PIWIL1: variants seen among roughly 807,000 people sequenced by gnomAD.
PIWIL1 encodes the protein piwi like RNA-mediated gene silencing 1.
A neutral mutation model predicts 114.4 loss-of-function variants in PIWIL1; 73 were observed. That is an observed-to-expected ratio of 0.64 (90% CI 0.53 to 0.78). The LOEUF is 0.78. Among genes scored for constraint, PIWIL1 ranks in the 30% least tolerant of loss-of-function variants. The pLI is 0.00. For synonymous variants in PIWIL1, 375 were observed against 369.0 expected, an observed-to-expected ratio of 1.02 and a Z score of -0.19; for missense variants, 723 against 1,063.1, an observed-to-expected ratio of 0.68 and a Z score of 4.45.
Position 130,363,120 on chromosome 12 carries a change from T to A in PIWIL1, c.2171T>A (p.Leu724Gln). 1 of 1,614,222 alleles carries A rather than the reference T, an allele frequency of 6.2e-7. No homozygotes were observed. The highest frequency in any genetic ancestry group is 8.5e-7 in the Non-Finnish European group (1 of 1,180,022). ...GAAGTGCCACAGTTTTTGGATTGTC[T>A]AAAATCCATTGGTAGAGGTTACAAG... The part of the protein sequence containing the change: ...NYEVPQFLDC[L>Q]KSIGRGYNPR... Residue 724 changes from leucine to glutamine, a missense_variant, in exon 18 of 21, where the codon CTA becomes CAA. Leu to Gln is a moderately radical substitution (Grantham distance 113). Coordinates refer to ENST00000245255, the MANE Select transcript of PIWIL1 (RefSeq NM_004764.5).
rs1439909733 is a variant in PIWIL1 at position 130,372,139 on chromosome 12, A to AG, written c.*547dup. 1 of 152,096 alleles carries AG rather than the reference A, an allele frequency of 6.6e-6. No homozygotes were observed. The highest frequency in any genetic ancestry group is 1.5e-5 in the Non-Finnish European group (1 of 68,014). The allele number at this position is 152,096 out of a possible 1,614,324, so 9.4% of individuals were successfully genotyped here. A position where few individuals can be genotyped will look rare whatever the true frequency, so the allele number is the denominator to read the frequency against. On this transcript the variant is annotated 3_prime_UTR_variant, in exon 21 of 21. Transcript: ENST00000245255. ...AAAATATGCTTGATTTTTATTTGGC[A>AG]GGGGGGCTAGGTTGTATGGGAGTAA...
chr12:130,376,669 G>A (rs999280334), downstream of PIWIL1, among the ~76,000 whole-genome samples: 1 of 152,206 alleles, frequency 6.6e-6, no homozygotes, highest in Non-Finnish European at 1.5e-5. Flanking sequence ...ATTCCTCAGT[G>A]AAGTTTATCA....
the PIWIL1 span, among the ~76,000 whole-genome samples, chr12:130,405,151 C>T: frequency 6.6e-6 from 1 of 152,116 alleles, no homozygotes; most frequent in African/African-American, 2.4e-5. Context: ...CATTTGACCG[C>T]ATGCAAACGT....
At chr12:130,340,658 GGTTGGTGGTGGTGGT>G (rs2072892837) in intron 1 of PIWIL1, among the ~76,000 whole-genome samples, 1 of 132,868 alleles carries the variant, frequency 7.5e-6, no homozygotes, top group African/African-American at 2.7e-5. Flanking sequence ...GGGGGAGGGG[GGTTGGTGGTGGTGGT>G]GGTGGTGCTG....
chr12:130,361,035 T>C (rs1389316391), intron 14 of PIWIL1, 145 bp from the exon 15 acceptor site: 1 of 662,564 alleles, frequency 1.5e-6, no homozygotes, highest in Non-Finnish European at 2.6e-6. Context: ...TCCTACTGAT[T>C]AGCTGTGTGG....
chr12:130,388,964 A>G, the PIWIL1 span, among the ~76,000 whole-genome samples: 3 of 152,184 alleles, frequency 2.0e-5, no homozygotes, highest in Non-Finnish European at 4.4e-5. Flanking sequence ...GGATTTTTAT[A>G]AACACCTTTT....
At chr12:130,407,739 T>C in the PIWIL1 span, 1 of 1,613,914 alleles carries the variant, frequency 6.2e-7, no homozygotes, top group South Asian at 1.1e-5. Context: ...GACATCGACG[T>C]TGGGCGAGCT....
At chr12:130,407,603 TC>T in the PIWIL1 span, 2 of 829,748 alleles carry the variant, frequency 2.4e-6, no homozygotes, top group Non-Finnish European at 4.2e-6. Context: ...CGGCAGCCCT[TC>T]CTACGGATGG....
chr12:130,346,115 T>G (rs1421561719), intron 4 of PIWIL1, among the ~76,000 whole-genome samples: 4 of 152,208 alleles, frequency 2.6e-5, no homozygotes, highest in African/African-American at 4.8e-5. Context: ...ATGAAGAGAT[T>G]TAGTTGGTTT....
At chr12:130,373,811 A>G (rs1295642320), downstream of PIWIL1, among the ~76,000 whole-genome samples, 4 of 152,168 alleles carry the variant, frequency 2.6e-5, no homozygotes, top group African/African-American at 7.2e-5. Flanking sequence ...GACAGAGACT[A>G]GGTTGATGTC....
the PIWIL1 span, chr12:130,397,171 G>A: frequency 2.8e-6 from 1 of 356,114 alleles, no homozygotes; most frequent in East Asian, 4.0e-5. Flanking sequence ...ACTGCCAGCG[G>A]TGACAGAGAG....
At chr12:130,394,637 A>G in the PIWIL1 span, among the ~76,000 whole-genome samples, 1 of 148,416 alleles carries the variant, frequency 6.7e-6, no homozygotes, top group South Asian at 2.2e-4. Context: ...GTACCGTAGA[A>G]ATTTCTGGAA....
chr12:130,413,977 C>T, the PIWIL1 span: 6 of 856,978 alleles, frequency 7.0e-6, no homozygotes, highest in Non-Finnish European at 9.2e-6. Flanking sequence ...CTTGCCGTCA[C>T]AGCACCATGC....
intron 9 of PIWIL1, among the ~76,000 whole-genome samples, chr12:130,353,589 G>C (rs751134759): frequency 6.6e-6 from 1 of 152,148 alleles, no homozygotes; most frequent in Non-Finnish European, 1.5e-5. Context: ...TAGAATTGCC[G>C]AACTGAGCTG....
chr12:130,397,732 C>CCAGA, the PIWIL1 span: 1 of 383,784 alleles, frequency 2.6e-6, no homozygotes, highest in Non-Finnish European at 4.6e-6. Flanking sequence ...GAGAGAGGCC[C>CCAGA]CAGACATAAA....
Position 130,354,517 on chromosome 12 carries a change from C to T in PIWIL1, c.1045-20C>T, listed in dbSNP as rs1276791842. The T allele has an allele frequency of 6.2e-7, 1 of 1,613,938 alleles. No homozygotes were observed. The highest frequency in any genetic ancestry group is 8.5e-7 in the Non-Finnish European group (1 of 1,179,958). ...TCGAGGCATTTGCCGTGAACAGCGA[C>T]CCTTTCGTCTCTTGAGCAGCAATAC... On this transcript the variant is annotated intron_variant, in intron 9 of 20. Coordinates refer to ENST00000245255, the MANE Select transcript of PIWIL1 (RefSeq NM_004764.5).
chr12:130,402,579 TC>T, the PIWIL1 span, among the ~76,000 whole-genome samples: 1 of 152,160 alleles, frequency 6.6e-6, no homozygotes, highest in African/African-American at 2.4e-5. Context: ...CCTTGACCTT[TC>T]CCTCCTCAGT....
At chr12:130,360,610 G>C (rs1329195304) in intron 14 of PIWIL1, among the ~76,000 whole-genome samples, 1 of 152,152 alleles carries the variant, frequency 6.6e-6, no homozygotes, top group African/African-American at 2.4e-5. Context: ...TCCAGCCTGG[G>C]CAACAAGAGC....
At chr12:130,352,448 G>A (rs767493087) in intron 9 of PIWIL1, among the ~76,000 whole-genome samples, 35 of 152,210 alleles carry the variant, frequency 2.3e-4, no homozygotes, top group Non-Finnish European at 8.8e-5. Flanking sequence ...GGAGGCCGAG[G>A]TGGGTGGATC....
Sources: allele counts gnomAD v4.1 joint callset (sites outside exome capture counted in the v4.1 genomes callset), GRCh38; gene constraint gnomAD v4.1.1; transcripts MANE v1.5; gene names NCBI Gene and HGNC (gene_info 2026-07-23, HGNC 2026-07-21).